KSR2: variants seen among roughly 807,000 people sequenced by gnomAD.
KSR2 encodes the protein kinase suppressor of ras 2.
A neutral mutation model predicts 107.8 loss-of-function variants in KSR2; 25 were observed. The ratio of observed to expected loss-of-function variants is 0.23; its 90% confidence interval spans 0.17 to 0.32. KSR2 has a LOEUF of 0.32. KSR2 is among the 10% of genes least tolerant of loss of function. KSR2 has a pLI of 1.00. For missense variants in KSR2, 887 were observed against 1,268.9 expected (o/e 0.70, Z 4.57); for synonymous variants, 480 against 507.0 (o/e 0.95, Z 0.71).
At chr12:117,731,892 C>G (rs554366766) in intron 4 of KSR2, among the ~76,000 whole-genome samples, 19 of 142,158 alleles carry the variant, frequency 1.3e-4, no homozygotes, top group African/African-American at 4.4e-4. Context: ...GGGACACAAA[C>G]ACTGCGGAAG....
chr12:117,521,723 TG>T (rs1392230846), intron 14 of KSR2, among the ~76,000 whole-genome samples: 2 of 152,230 alleles, frequency 1.3e-5, no homozygotes, highest in African/African-American at 4.8e-5. Flanking sequence ...GGTAATTATC[TG>T]GTCTTATGTT....
intron 3 of KSR2, among the ~76,000 whole-genome samples, chr12:117,792,776 T>C (rs1387163238): frequency 6.6e-6 from 1 of 152,224 alleles, no homozygotes; most frequent in East Asian, 1.9e-4. Context: ...TAACCAGTTA[T>C]TTTGATGTGG....
At chr12:117,509,075 C>T (rs754087673) in intron 14 of KSR2, among the ~76,000 whole-genome samples, 7 of 151,978 alleles carry the variant, frequency 4.6e-5, no homozygotes, top group South Asian at 4.2e-4. Context: ...TGGATGGATG[C>T]GTGATCATTC....
At chr12:117,592,554 C>T (rs958674167) in intron 5 of KSR2, among the ~76,000 whole-genome samples, 14 of 152,128 alleles carry the variant, frequency 9.2e-5, no homozygotes, top group Admixed American at 2.0e-4. Flanking sequence ...GTGAGAAATG[C>T]GAATCCTAGA....
chr12:117,508,025 T>A (rs1282044577), intron 14 of KSR2, among the ~76,000 whole-genome samples: 1 of 151,796 alleles, frequency 6.6e-6, no homozygotes, highest in East Asian at 1.9e-4. Context: ...TCTACACTCA[T>A]CAGCCTTGGG....
chr12:117,963,799 G>A (rs745531079), intron 1 of KSR2, among the ~76,000 whole-genome samples: 2 of 152,028 alleles, frequency 1.3e-5, no homozygotes, highest in African/African-American at 2.4e-5. Flanking sequence ...GGGCAAAATG[G>A]TCTCTAGGCT....
chr12:117,539,660 T>C, intron 10 of KSR2, 59 bp downstream of exon 10: 11 of 1,118,262 alleles, frequency 9.8e-6, no homozygotes, highest in Non-Finnish European at 1.4e-5. Flanking sequence ...ACCCACCCCC[T>C]CCCTAATCTC....
At chr12:117,475,190 A>C (rs181857830) in intron 17 of KSR2, among the ~76,000 whole-genome samples, 37 of 152,258 alleles carry the variant, frequency 2.4e-4, no homozygotes, top group Admixed American at 2.6e-4. Flanking sequence ...AATTAGGATT[A>C]TGTCACTCCC....
intron 13 of KSR2, among the ~76,000 whole-genome samples, chr12:117,525,669 G>A (rs1875089381): frequency 6.6e-6 from 1 of 152,202 alleles, no homozygotes; most frequent in Non-Finnish European, 1.5e-5. Flanking sequence ...TGGTTTGGCT[G>A]TTTACGTGCA....
At chr12:117,885,482 CCA>C (rs1210617958) in intron 1 of KSR2, among the ~76,000 whole-genome samples, 1 of 152,034 alleles carries the variant, frequency 6.6e-6, no homozygotes, top group African/African-American at 2.4e-5. Context: ...AGCCACTGTA[CCA>C]CCCTGCTGGG....
At chr12:117,621,661 T>C (rs749875207) in intron 5 of KSR2, among the ~76,000 whole-genome samples, 2 of 152,174 alleles carry the variant, frequency 1.3e-5, no homozygotes, top group Admixed American at 6.6e-5. Context: ...AATGGTATTA[T>C]ACCAATGCCA....
intron 1 of KSR2, among the ~76,000 whole-genome samples, chr12:117,877,449 A>T (rs1893892239): frequency 6.6e-6 from 1 of 152,220 alleles, no homozygotes; most frequent in Non-Finnish European, 1.5e-5. Flanking sequence ...GATAGTTTTT[A>T]TATGCTAGCC....
At chr12:117,682,423 G>GT (rs1219183978) in intron 4 of KSR2, among the ~76,000 whole-genome samples, 24 of 147,522 alleles carry the variant, frequency 1.6e-4, no homozygotes, top group East Asian at 8.0e-4. Context: ...AGTTTTTTTT[G>GT]TTTTTTTTTT....
intron 14 of KSR2, among the ~76,000 whole-genome samples, chr12:117,502,884 T>C (rs1873463266): frequency 6.6e-6 from 1 of 152,102 alleles, no homozygotes; most frequent in Non-Finnish European, 1.5e-5. Context: ...CAAAGAACAT[T>C]TGTGTTCTTT....
intron 7 of KSR2, among the ~76,000 whole-genome samples, chr12:117,563,482 A>T (rs937572762): frequency 6.6e-6 from 1 of 152,164 alleles, no homozygotes; most frequent in African/African-American, 2.4e-5. Flanking sequence ...CCCATCTGTA[A>T]GGTGGGGACA....
intron 1 of KSR2, among the ~76,000 whole-genome samples, chr12:117,927,567 C>A (rs1895566135): frequency 6.6e-6 from 1 of 151,958 alleles, no homozygotes; most frequent in Non-Finnish European, 1.5e-5. Context: ...GTGGCACGAG[C>A]CTGTAATCCC....
At chr12:117,757,649 G>A (rs1200288568) in intron 4 of KSR2, among the ~76,000 whole-genome samples, 2 of 152,148 alleles carry the variant, frequency 1.3e-5, no homozygotes, top group Non-Finnish European at 2.9e-5. Context: ...TGATCAGTCG[G>A]CAGCCATCAA....
chr12:117,767,256 C>CAA (rs1566003635), intron 3 of KSR2, among the ~76,000 whole-genome samples: 1 of 83,764 alleles, frequency 1.2e-5, no homozygotes, highest in African/African-American at 6.3e-5. Context: ...TACTAAAAAT[C>CAA]CAAAAAAAAA....
At chr12:117,951,420 C>T (rs1400706628) in intron 1 of KSR2, among the ~76,000 whole-genome samples, 1 of 152,164 alleles carries the variant, frequency 6.6e-6, no homozygotes, top group African/African-American at 2.4e-5. Flanking sequence ...ACAAGTTCTC[C>T]TTTTATACCT....
Sources: allele counts gnomAD v4.1 joint callset (sites outside exome capture counted in the v4.1 genomes callset), GRCh38; gene constraint gnomAD v4.1.1; transcripts MANE v1.5; gene names NCBI Gene and HGNC (gene_info 2026-07-23, HGNC 2026-07-21).